The following HSP90AB1 variants were observed in gnomAD, a reference collection of about 807,000 sequenced individuals.
HSP90AB1 encodes heat shock protein HSP 90-beta.
In HSP90AB1, 17 loss-of-function variants were observed where a neutral mutation model predicts 67.8. The observed-to-expected ratio is 0.25, with a 90% confidence interval of 0.17 to 0.38. The LOEUF is 0.38. Ranked by LOEUF, HSP90AB1 falls within the 10% of genes least tolerant of loss-of-function variation. HSP90AB1 has a pLI of 1.00. For synonymous variants in HSP90AB1, 390 were observed against 312.9 expected (o/e 1.25, Z -2.60); for missense variants, 690 against 899.9 (o/e 0.77, Z 2.98).
chr6:44,247,774 C>T (rs535773838), intron 1 of HSP90AB1: 8 of 152,358 alleles, frequency 5.3e-5, no homozygotes, highest in Admixed American at 2.6e-4. Flanking sequence ...GGGAGGGGAG[C>T]AGGTTCTGGA....
At chr6:44,248,544 A>G (rs972638046) in intron 1 of HSP90AB1, 86 bp from the exon 2 acceptor site, 7 of 1,277,212 alleles carry the variant, frequency 5.5e-6, no homozygotes, top group East Asian at 4.6e-5. Flanking sequence ...CTCACTGTCT[A>G]AGGTCCTAAC....
At chr6:44,248,874 GA>G (rs1428097615) in intron 2 of HSP90AB1, 98 bp downstream of exon 2, 2 of 1,074,338 alleles carry the variant, frequency 1.9e-6, no homozygotes, top group Non-Finnish European at 2.8e-6. Context: ...GACTACTATT[GA>G]AGGGGGTAAA....
rs374044171 is a variant in HSP90AB1 at position 44,253,273 on chromosome 6, C to T, written c.1960C>T (p.Leu654=). The change falls in exon 11 of 12, where the codon CTG becomes TTG. Residue 654 remains leucine, a synonymous_variant. Coordinates refer to ENST00000371646, the MANE Select transcript of HSP90AB1 (RefSeq NM_007355.4). ...ADKNDKAVKD[L]VVLLFETALL... ...CAAGAATGATAAGGCAGTTAAGGAC[C>T]TGGTGGTGCTGCTGTTTGAAACCGC... 3.9e-5 allele frequency: 63 copies of T among 1,614,116 alleles called. No individual in the cohort carries two copies. The highest frequency in any genetic ancestry group is 4.9e-5 in the Non-Finnish European group (58 of 1,180,052).
At position 44,250,154 on chromosome 6, in the gene HSP90AB1, T is replaced by G; in HGVS notation, c.648T>G (p.Tyr216Ter). The G allele has an allele frequency of 6.2e-7, 1 of 1,614,204 alleles. No individual in the cohort carries two copies. Among genetic ancestry groups the G allele is most frequent in the Non-Finnish European group, 8.5e-7 (1 of 1,180,024 alleles). Reference protein sequence around the residue: ...SQFIGYPITLYLEKEREKEIS... With the variant: ...SQFIGYPITL ...TCATAGGCTATCCCATCACCCTTTA[T>G]GTGAGTATGGACTTTTAAATCTTTT... The change falls in exon 5 of 12, where the codon TAT (tyrosine) becomes TAG (stop). Residue 216 changes from tyrosine to a stop codon, truncating the protein, a stop_gained and splice_region_variant. Coordinates refer to ENST00000371646, the MANE Select transcript of HSP90AB1 (RefSeq NM_007355.4). LOFTEE classifies it high-confidence loss of function.
Position 44,252,155 on chromosome 6 carries a change from G to C in HSP90AB1, c.1619G>C (p.Gly540Ala). 6.2e-7 allele frequency: 1 copy of C among 1,614,170 alleles called. No homozygotes were observed. The highest frequency in any genetic ancestry group is 8.5e-7 in the Non-Finnish European group (1 of 1,180,030). The change falls in exon 10 of 12, where the codon GGT (glycine) becomes GCT (alanine). Residue 540 changes from glycine to alanine, a missense_variant. Coordinates refer to ENST00000371646, the MANE Select transcript of HSP90AB1 (RefSeq NM_007355.4). ...AGCCTGGTCTCAGTTACCAAGGAGGGTCTGGAGCTGCCTGAGGATGAGGAG... is the reference window on the plus strand; with the variant it reads ...AGCCTGGTCTCAGTTACCAAGGAGGCTCTGGAGCTGCCTGAGGATGAGGAG... ...GKSLVSVTKE[G>A]LELPEDEEEK...
At chr6:44,253,423 C>A (rs769502904) in intron 11 of HSP90AB1, 45 bp downstream of exon 11, 1 of 1,600,624 alleles carries the variant, frequency 6.2e-7, no homozygotes, top group Non-Finnish European at 8.6e-7. Context: ...TTGTGCAACT[C>A]GTCTCCTCTA....
chr6:44,253,463 T>C, intron 11 of HSP90AB1, 26 bp from the exon 12 acceptor site: 2 of 1,609,500 alleles, frequency 1.2e-6, no homozygotes, highest in Non-Finnish European at 1.7e-6. Flanking sequence ...TTTGGTCAAG[T>C]CTCACATGGC....
rs907612293 is a variant in HSP90AB1 at position 44,252,252 on chromosome 6, TAAG to T, written c.1720_1722del (p.Lys574del). 1.9e-6 allele frequency: 3 copies of T among 1,613,770 alleles called. No individual in the cohort carries two copies. Among genetic ancestry groups the T allele is most frequent in the Non-Finnish European group, 2.5e-6 (3 of 1,179,986 alleles). ...GCAAGCTCATGAAAGAAATCTTAGATAAGAAGGTTGAGAAGGTAAGCCATTCTG... is the reference window on the plus strand; with the variant it reads ...GCAAGCTCATGAAAGAAATCTTAGATAAGGTTGAGAAGGTAAGCCATTCTG... On this transcript the variant is annotated inframe_deletion, in exon 10 of 12. Coordinates refer to ENST00000371646, the MANE Select transcript of HSP90AB1 (RefSeq NM_007355.4).
Position 44,249,956 on chromosome 6 carries a change from C to T in HSP90AB1, c.515-65C>T, listed in dbSNP as rs377375890. 1.2e-4 allele frequency: 199 copies of T among 1,596,382 alleles called. 1 individual carries two copies. The highest frequency in any genetic ancestry group is 1.6e-4 in the Non-Finnish European group (186 of 1,164,590). ...TTCACAGCAGTTCTGCTGATACTTA[C>T]TAATTGCTGGTCTCAACTGCATATA... On this transcript the variant is annotated intron_variant, in intron 4 of 11. Transcript: ENST00000371646.
rs773495096 is a variant in HSP90AB1, at chr6:44,252,096, C to T, written c.1560C>T (p.Tyr520=). Residue 520 remains tyrosine (Y), a synonymous_variant, in exon 10 of 12, where the codon TAC becomes TAT. Transcript: ENST00000371646. ...VVYMTEPIDE[Y]CVQQLKEFDG... ...ATATGACCGAGCCCATTGACGAGTACTGTGTGCAGCAGCTCAAGGAATTTG... is the reference window on the plus strand; with the variant it reads ...ATATGACCGAGCCCATTGACGAGTATTGTGTGCAGCAGCTCAAGGAATTTG... 2 of 1,614,144 alleles carry T rather than the reference C, an allele frequency of 1.2e-6. No individual in the cohort carries two copies. The highest frequency in any genetic ancestry group is 1.3e-5 in the African/African-American group (1 of 75,018).
In HSP90AB1 at chr6:44,249,600, G is replaced by T; in HGVS notation, c.354+17G>T. 6.2e-7 allele frequency: 1 copy of T among 1,612,886 alleles called. No homozygotes were observed. The highest frequency in any genetic ancestry group is 8.5e-7 in the Non-Finnish European group (1 of 1,178,968). The stretch of plus-strand genomic sequence containing the variant: ...GCTCTTCAGGTATTGCAGTTCTGTA[G>T]GCATTCATACTTATCTGTGTTCTTT... On this transcript the variant is annotated intron_variant, in intron 3 of 11. Transcript: ENST00000371646.
chr6:44,251,041 C>A lies in HSP90AB1; in HGVS notation c.958-7C>A, dbSNP rs1453582271. On this transcript the variant is annotated splice_region_variant and splice_polypyrimidine_tract_variant and intron_variant, in intron 6 of 11. Coordinates refer to ENST00000371646, the MANE Select transcript of HSP90AB1 (RefSeq NM_007355.4). Reference sequence around the variant, plus strand: ...GAAATGTACCACTTATTTTTGGTTTCTTTCAGCACTTTTCTGTAGAAGGTC... The same window carrying A: ...GAAATGTACCACTTATTTTTGGTTTATTTCAGCACTTTTCTGTAGAAGGTC... The A allele has an allele frequency of 6.2e-7, 1 of 1,613,414 alleles. No individual in the cohort carries two copies. The highest frequency in any genetic ancestry group is 8.5e-7 in the Non-Finnish European group (1 of 1,179,578).
chr6:44,247,951 G>A (rs1780147765), intron 1 of HSP90AB1: 1 of 152,268 alleles, frequency 6.6e-6, no homozygotes, highest in African/African-American at 2.4e-5. Flanking sequence ...GCAGTGACGA[G>A]TGTCGGCCTG....
Position 44,253,743 on chromosome 6 carries a change from A to G in HSP90AB1, c.*145A>G, listed in dbSNP as rs367726643. ...CCTCTCCTGTCCTTGTGTTGAAGGC[A>G]GTAAACTAAGGGTGTCAAGCCCCAT... On this transcript the variant is annotated 3_prime_UTR_variant, in exon 12 of 12. Coordinates refer to ENST00000371646, the MANE Select transcript of HSP90AB1 (RefSeq NM_007355.4). 60 of 783,332 alleles carry G rather than the reference A, an allele frequency of 7.7e-5. No homozygotes were observed. The African/African-American group carries it at 8.8e-4, about 11-fold the overall frequency. The allele number at this position is 783,332 out of a possible 1,614,324, so 48.5% of individuals were successfully genotyped here.
Position 44,249,466 on chromosome 6 carries a change from T to C in HSP90AB1, c.237T>C (p.Pro79=), listed in dbSNP as rs775163914. The C allele has an allele frequency of 1.2e-5, 19 of 1,614,012 alleles. No homozygotes were observed. In the South Asian group the frequency reaches 1.8e-4, roughly 15 times the overall value. The stretch of plus-strand genomic sequence containing the variant: ...TGAAAATTGACATCATCCCCAACCC[T>C]CAGGAACGTACCCTGACTTTGGTAG... ...KELKIDIIPN[P]QERTLTLVDT... is the part of the protein sequence containing the mutation. The change falls in exon 3 of 12, where the codon CCT becomes CCC. Residue 79 remains proline, a synonymous_variant. Coordinates refer to ENST00000371646, the MANE Select transcript of HSP90AB1 (RefSeq NM_007355.4).
intron 7 of HSP90AB1, 24 bp from the exon 8 acceptor site, chr6:44,251,394 C>T (rs767539810): frequency 1.3e-6 from 2 of 1,589,502 alleles, no homozygotes; most frequent in East Asian, 2.2e-5. Context: ...TTTTACTGAG[C>T]TTTCTCACCC....
rs777161405 is a variant in HSP90AB1 at position 44,249,798 on chromosome 6, T to A, written c.478T>A (p.Ser160Thr). Reference sequence around the variant, plus strand: ...TGATGAACAGTATGCTTGGGAGTCTTCTGCTGGAGGTTCCTTCACTGTGCG... The same window carrying A: ...TGATGAACAGTATGCTTGGGAGTCTACTGCTGGAGGTTCCTTCACTGTGCG... ...NDDEQYAWES[S>T]AGGSFTVRAD... is the part of the protein sequence containing the mutation. The change falls in exon 4 of 12, where the codon TCT becomes ACT. Residue 160 changes from serine (S) to threonine (T), a missense_variant. By Grantham distance (58) the Ser-to-Thr change is moderately conservative. This residue lies in a region of HSP90AB1 where 146 missense variants were observed against 143.7 expected (regional missense o/e 1.02). Coordinates refer to ENST00000371646, the MANE Select transcript of HSP90AB1 (RefSeq NM_007355.4). The A allele has an allele frequency of 1.2e-6, 2 of 1,612,912 alleles. No homozygotes were observed. Among genetic ancestry groups the A allele is most frequent in the Non-Finnish European group, 1.7e-6 (2 of 1,179,332 alleles).
At position 44,253,819 on chromosome 6, in the gene HSP90AB1, T is replaced by C. The variant is rs778072022; in HGVS notation, c.*221T>C. ...TTGGATGTTGTGTATTGTGGTTTAT[T>C]TTATTTTCTTCATTTTGTTCTGAAA... On this transcript the variant is annotated 3_prime_UTR_variant, in exon 12 of 12. Coordinates refer to ENST00000371646, the MANE Select transcript of HSP90AB1 (RefSeq NM_007355.4). The C allele has an allele frequency of 2.4e-5, 18 of 761,236 alleles. No homozygotes were observed. Among genetic ancestry groups the C allele is most frequent in the South Asian group, 1.2e-4 (9 of 73,522 alleles). 47.2% of individuals were successfully genotyped at this position (761,236 alleles called of 1,614,324 possible). A position where few individuals can be genotyped will look rare whatever the true frequency, so the allele number is the denominator to read the frequency against.
In HSP90AB1 at chr6:44,250,031, T is replaced by C. The variant is rs748409013; in HGVS notation, c.525T>C (p.Ile175=). ...AATTGACTCTTCTAGGTGAGCCCAT[T>C]GGCAGGGGTACCAAAGTGATCCTCC... The part of the protein sequence containing the change: ...FTVRADHGEP[I]GRGTKVILHL... Residue 175 remains isoleucine (I), a synonymous_variant, in exon 5 of 12, where the codon ATT becomes ATC. Coordinates refer to ENST00000371646, the MANE Select transcript of HSP90AB1 (RefSeq NM_007355.4). 1 of 1,614,206 alleles carries C rather than the reference T, an allele frequency of 6.2e-7. No homozygotes were observed. Among genetic ancestry groups the C allele is most frequent in the South Asian group, 1.1e-5 (1 of 91,088 alleles).
Sources: gnomAD v4.1 joint callset for allele counts on GRCh38, gnomAD v4.1.1 for gene constraint, gnomAD v4.1.1 regional missense constraint, MANE v1.5 for transcripts, NCBI Gene and HGNC (gene_info 2026-07-23, HGNC 2026-07-21) for gene names.